Variants in TMPRSS7 observed in about 807,000 individuals in gnomAD.
TMPRSS7 encodes transmembrane serine protease 7.
Under a neutral mutation model 95.6 loss-of-function variants are expected in TMPRSS7, and 81 were observed. That is an observed-to-expected ratio of 0.85 (90% CI 0.71 to 1.02). The LOEUF is 1.02. Ranked by LOEUF, TMPRSS7 falls within the 50% of genes least tolerant of loss-of-function variation. The probability of loss-of-function intolerance (pLI) is 0.00; values close to 1 mark genes in which losing one functional copy is unlikely to be tolerated. For missense variants in TMPRSS7, 945 were observed against 955.2 expected, an observed-to-expected ratio of 0.99 and a Z score of 0.14; for synonymous variants, 364 against 337.8, an observed-to-expected ratio of 1.08 and a Z score of -0.85.
exon 3 of TMPRSS7, chr3:112,041,934 A>G: frequency 6.5e-7 from 1 of 1,549,816 alleles, no homozygotes; most frequent in Non-Finnish European, 8.7e-7. Flanking sequence ...AACAGAAAGC[A>G]AAGATGCTTT....
At chr3:112,077,213 A>G (rs1559965047) in intron 16 of TMPRSS7, 69 bp downstream of exon 16, 1 of 1,539,570 alleles carries the variant, frequency 6.5e-7, no homozygotes, top group Non-Finnish European at 8.8e-7. Flanking sequence ...GTAGTGCTTT[A>G]GGGTTCACAG....
intron 13 of TMPRSS7, among the ~76,000 whole-genome samples, chr3:112,071,126 T>G (rs568067348): frequency 6.6e-5 from 10 of 152,346 alleles, no homozygotes; most frequent in African/African-American, 2.2e-4. Flanking sequence ...CAGGAGCTCT[T>G]GTAAGGCAGG....
At position 112,077,773 on chromosome 3, in the gene TMPRSS7, G is replaced by A. The variant is rs573072734; in HGVS notation, c.2224+629G>A. On this transcript the variant is annotated intron_variant, in intron 16 of 17. Transcript: ENST00000452346. ...GCATAAAGATCAGGCTGTATAGTAG[G>A]GAAGTCCCTACATCTACCCTGCCAA... Among the ~76,000 whole-genome samples the A allele has an allele frequency of 3.3e-5, 5 of 152,268 alleles. No homozygotes were observed. The East Asian group carries it at 7.7e-4, about 24-fold the overall frequency.
chr3:112,036,928 TTTCCCCAATCAA>T (rs1212010140), intron 1 of TMPRSS7, among the ~76,000 whole-genome samples: 33 of 152,366 alleles, frequency 2.2e-4, no homozygotes, highest in African/African-American at 7.2e-4. Flanking sequence ...ACATTTATCA[TTTCCCCAATCAA>T]TACTCTCATA....
chr3:112,066,327 G>A (rs2073573941), intron 12 of TMPRSS7, 65 bp from the exon 13 acceptor site: 1 of 1,406,242 alleles, frequency 7.1e-7, no homozygotes, highest in Non-Finnish European at 1.0e-6. Context: ...TGGCACTGCT[G>A]ATCATCAGAG....
upstream of TMPRSS7, chr3:112,034,813 A>T (rs1341583274): frequency 1.4e-6 from 1 of 701,996 alleles, no homozygotes; most frequent in African/African-American, 1.7e-5. Context: ...GCTTTGAGAC[A>T]CCCCTGGATG....
chr3:112,063,191 G>A (rs995933517), intron 11 of TMPRSS7, among the ~76,000 whole-genome samples: 3 of 152,120 alleles, frequency 2.0e-5, no homozygotes, highest in Non-Finnish European at 2.9e-5. Context: ...GGCTCCCTTA[G>A]GTATGTTCCA....
At chr3:112,068,012 G>T (rs187509273) in intron 13 of TMPRSS7, among the ~76,000 whole-genome samples, 1 of 152,296 alleles carries the variant, frequency 6.6e-6, no homozygotes, top group East Asian at 1.9e-4. Context: ...TTTGTATAAG[G>T]TGTAAGGAAG....
exon 7 of TMPRSS7, chr3:112,047,865 G>T (rs746041967): frequency 4.0e-5 from 65 of 1,613,960 alleles, no homozygotes; most frequent in Non-Finnish European, 5.4e-5. Context: ...TACCTGATTC[G>T]TCTCTCAATC....
At chr3:112,080,364 G>A (rs917145948) in intron 17 of TMPRSS7, among the ~76,000 whole-genome samples, 1 of 152,170 alleles carries the variant, frequency 6.6e-6, no homozygotes, top group African/African-American at 2.4e-5. Context: ...AACTAAACAG[G>A]TCTCTTCTTC....
exon 7 of TMPRSS7, chr3:112,047,857 C>T (rs2073298812): frequency 1.9e-6 from 3 of 1,614,046 alleles, no homozygotes; most frequent in African/African-American, 1.3e-5. Flanking sequence ...TAGTGGGCTA[C>T]CTGATTCGTC....
At chr3:112,035,145 T>G (rs1457054380) in intron 1 of TMPRSS7, among the ~76,000 whole-genome samples, 2 of 152,232 alleles carry the variant, frequency 1.3e-5, no homozygotes, top group Admixed American at 1.3e-4. Flanking sequence ...ATTTTAAAAT[T>G]TAATCAGTGC....
intron 6 of TMPRSS7, 143 bp from the exon 7 acceptor site, chr3:112,047,596 G>C: frequency 1.5e-6 from 1 of 672,942 alleles, no homozygotes; most frequent in Non-Finnish European, 2.6e-6. Context: ...GCTGTTACCA[G>C]AAGGCAGGGA....
Position 112,066,379 on chromosome 3 carries a change from T to G in TMPRSS7, c.1556-13T>G, listed in dbSNP as rs770502323. 2 of 1,612,606 alleles carry G rather than the reference T, an allele frequency of 1.2e-6. No individual in the cohort carries two copies. Among genetic ancestry groups the G allele is most frequent in the East Asian group, 4.5e-5 (2 of 44,874 alleles). Reference sequence around the variant, plus strand: ...CAGGCTCGTGAACTTTCTGTTTTTATTTTTTATTCTAGTGAGCCCTCAACC... The same window carrying G: ...CAGGCTCGTGAACTTTCTGTTTTTAGTTTTTATTCTAGTGAGCCCTCAACC... On this transcript the variant is annotated splice_polypyrimidine_tract_variant and intron_variant, in intron 12 of 17. Coordinates refer to ENST00000452346, the Ensembl canonical transcript of TMPRSS7.
chr3:112,065,280 C>T (rs1235515121), intron 12 of TMPRSS7, among the ~76,000 whole-genome samples: 4 of 152,034 alleles, frequency 2.6e-5, no homozygotes, highest in African/African-American at 4.8e-5. Context: ...GACCTCAAGC[C>T]GTCCTCCTAC....
intron 15 of TMPRSS7, among the ~76,000 whole-genome samples, chr3:112,076,332 T>C (rs1163035916): frequency 1.3e-5 from 2 of 152,200 alleles, no homozygotes; most frequent in Non-Finnish European, 2.9e-5. Context: ...CTGATGGGAA[T>C]GGCAGTTGGT....
At chr3:112,057,131 T>C in exon 10 of TMPRSS7, 3 of 1,598,922 alleles carry the variant, frequency 1.9e-6, no homozygotes, top group South Asian at 2.2e-5. Flanking sequence ...AATGAGCACA[T>C]GTAAGTGATT....
rs763203848 is a variant in TMPRSS7, at chr3:112,047,922, C to T, written c.914C>T (p.Thr305Ile). The change falls in exon 7 of 18, where the codon ACC (threonine) becomes ATC (isoleucine). Residue 305 changes from threonine to isoleucine, a missense_variant. Physicochemically the swap from Thr to Ile is moderately conservative, Grantham distance 89. Transcript: ENST00000452346. ...GACAACTGTGTCACTGACTCCCTGA[C>T]CATTTACGACTCCCTTTTGCCCATC... 1.9e-6 allele frequency: 3 copies of T among 1,614,050 alleles called. No homozygotes were observed. In the South Asian group the frequency reaches 3.3e-5, roughly 18 times the overall value.
chr3:112,050,536 A>AAAAAAAAC (rs1347111504), intron 8 of TMPRSS7, 135 bp from the exon 9 acceptor site: 3 of 390,202 alleles, frequency 7.7e-6, no homozygotes, highest in Non-Finnish European at 1.4e-5. Flanking sequence ...AAAAAAAAAA[A>AAAAAAAAC]AACCCAAAGT....
Sources: gnomAD v4.1 joint callset for allele counts (sites outside exome capture counted in the v4.1 genomes callset) on GRCh38, gnomAD v4.1.1 for gene constraint, MANE v1.5 for transcripts, NCBI Gene and HGNC (gene_info 2026-07-23, HGNC 2026-07-21) for gene names.